The following HCN1 variants were observed in gnomAD, a reference collection of about 807,000 sequenced individuals.
HCN1 encodes the protein hyperpolarization activated cyclic nucleotide gated potassium channel 1.
In HCN1, 13 loss-of-function variants were observed where a neutral mutation model predicts 78.9. The observed-to-expected ratio is 0.16, with a 90% CI of 0.11 to 0.26. The LOEUF is 0.26. Among genes scored for constraint, HCN1 ranks in the 10% least tolerant of loss-of-function variants. The pLI, the probability that HCN1 is intolerant of heterozygous loss-of-function variation, is 1.00. For missense variants in HCN1, 810 were observed against 1,154.3 expected (o/e 0.70, Z 4.32); for synonymous variants, 552 against 455.5 (o/e 1.21, Z -2.70).
chr5:45,303,114 C>T (rs1325853989), intron 6 of HCN1, among the ~76,000 whole-genome samples: 1 of 152,058 alleles, frequency 6.6e-6, no homozygotes, highest in Non-Finnish European at 1.5e-5. Flanking sequence ...TGATCCTATA[C>T]CAATTCTGGG....
Position 45,585,398 on chromosome 5 carries a change from T to C in HCN1, c.849+59787A>G, listed in dbSNP as rs1018751808. Among the ~76,000 whole-genome samples, 2 of 152,236 alleles carry C rather than the reference T, an allele frequency of 1.3e-5. 1 individual carries two copies. Among genetic ancestry groups the C allele is most frequent in the South Asian group, 4.1e-4 (2 of 4,832 alleles). On this transcript the variant is annotated intron_variant, in intron 2 of 7. Coordinates refer to ENST00000303230, the MANE Select transcript of HCN1 (RefSeq NM_021072.4). ...CTCCATCAGGTCCTTTAAGGACTTC[T>C]CTGCATTGATTATTCTAGTTAGCCA...
At chr5:45,452,175 A>C (rs987898295) in intron 3 of HCN1, among the ~76,000 whole-genome samples, 1 of 152,024 alleles carries the variant, frequency 6.6e-6, no homozygotes, top group Non-Finnish European at 1.5e-5. Flanking sequence ...AAATGATAAC[A>C]GTCCACAGCT....
intron 6 of HCN1, among the ~76,000 whole-genome samples, chr5:45,276,104 A>G (rs1745051565): frequency 6.6e-6 from 1 of 152,072 alleles, no homozygotes. Context: ...CGTGGCAGAA[A>G]CAATAGTCTC....
At chr5:45,311,056 T>C (rs1242301683) in intron 5 of HCN1, among the ~76,000 whole-genome samples, 3 of 152,140 alleles carry the variant, frequency 2.0e-5, no homozygotes, top group African/African-American at 7.2e-5. Flanking sequence ...AGCTAATGGA[T>C]ACTAGGTTTA....
chr5:45,531,025 T>C (rs1329666955), intron 2 of HCN1, among the ~76,000 whole-genome samples: 1 of 151,782 alleles, frequency 6.6e-6, no homozygotes, highest in African/African-American at 2.4e-5. Context: ...GTGTAGTTTC[T>C]GGATGTAAAA....
At chr5:45,658,409 G>A (rs1256699531) in intron 1 of HCN1, among the ~76,000 whole-genome samples, 1 of 152,176 alleles carries the variant, frequency 6.6e-6, no homozygotes. Context: ...AAACTAAAGA[G>A]CTTCTGCATA....
intron 4 of HCN1, among the ~76,000 whole-genome samples, chr5:45,373,730 C>T (rs1160580711): frequency 1.7e-5 from 2 of 116,762 alleles, no homozygotes; most frequent in African/African-American, 3.4e-5. Context: ...ACGGTATATA[C>T]GTCATCTATA....
At chr5:45,592,805 C>A (rs887825632) in intron 2 of HCN1, among the ~76,000 whole-genome samples, 1 of 152,020 alleles carries the variant, frequency 6.6e-6, no homozygotes, top group Non-Finnish European at 1.5e-5. Context: ...TAGGTAATGT[C>A]TTTTTTAACA....
chr5:45,474,528 T>C (rs1741473444), intron 2 of HCN1, among the ~76,000 whole-genome samples: 1 of 151,914 alleles, frequency 6.6e-6, no homozygotes, highest in Non-Finnish European at 1.5e-5. Flanking sequence ...GAGATTTCTT[T>C]CTAAAACATA....
chr5:45,353,176 T>C lies in HCN1; in HGVS notation c.1301A>G (p.Tyr434Cys). Reference sequence around the variant, plus strand: ...TTTGCCTTGGTATCTGTGTTCATAGTAATCATGTATCTTCTGACGCATATC... The same window carrying C: ...TTTGCCTTGGTATCTGTGTTCATAGCAATCATGTATCTTCTGACGCATATC... ...PADMRQKIHDYYEHRYQGKIF... is the reference protein window; with the variant it reads ...PADMRQKIHDCYEHRYQGKIF... Residue 434 changes from tyrosine (Y) to cysteine (C), a missense_variant, in exon 5 of 8, where the codon TAC becomes TGC. Tyr to Cys is a radical substitution (Grantham distance 194, BLOSUM62 -2). This residue lies in a region of HCN1 where 100 missense variants were observed against 126.8 expected (regional missense o/e 0.79). Transcript: ENST00000303230. The C allele has an allele frequency of 6.2e-7, 1 of 1,608,792 alleles. No individual in the cohort carries two copies. Among genetic ancestry groups the C allele is most frequent in the Non-Finnish European group, 8.5e-7 (1 of 1,175,642 alleles).
At chr5:45,313,860 G>T (rs967477043) in intron 5 of HCN1, among the ~76,000 whole-genome samples, 1 of 152,146 alleles carries the variant, frequency 6.6e-6, no homozygotes, top group African/African-American at 2.4e-5. Flanking sequence ...AGAAATATGG[G>T]ACTATGTGAA....
chr5:45,373,882 G>A (rs1431200314), intron 4 of HCN1, among the ~76,000 whole-genome samples: 5 of 127,604 alleles, frequency 3.9e-5, no homozygotes, highest in South Asian at 2.4e-4. Flanking sequence ...TATTACATAC[G>A]GTATATATGT....
chr5:45,343,736 A>G (rs1218552166), intron 5 of HCN1, among the ~76,000 whole-genome samples: 2 of 152,164 alleles, frequency 1.3e-5, no homozygotes, highest in East Asian at 3.9e-4. Context: ...GGAACTTAGA[A>G]CTACAGTTTA....
intron 2 of HCN1, chr5:45,575,770 A>C (rs1489817358): frequency 6.6e-6 from 1 of 152,130 alleles, no homozygotes; most frequent in Non-Finnish European, 1.5e-5. Context: ...CACTCACATA[A>C]GAGCTCTGAT....
intron 2 of HCN1, among the ~76,000 whole-genome samples, chr5:45,592,835 A>G (rs1744402424): frequency 6.6e-6 from 1 of 152,174 alleles, no homozygotes; most frequent in African/African-American, 2.4e-5. Context: ...GAACCAAACC[A>G]TTGAAGATTT....
At chr5:45,444,386 G>A (rs957343420) in intron 3 of HCN1, among the ~76,000 whole-genome samples, 3 of 152,022 alleles carry the variant, frequency 2.0e-5, no homozygotes, top group Non-Finnish European at 4.4e-5. Flanking sequence ...ATTGCCTGAG[G>A]AATCAAAATA....
At chr5:45,279,231 A>AT (rs1745116436) in intron 6 of HCN1, among the ~76,000 whole-genome samples, 1 of 152,188 alleles carries the variant, frequency 6.6e-6, no homozygotes, top group Non-Finnish European at 1.5e-5. Flanking sequence ...TTTAAAAAAG[A>AT]AATTCTCTCT....
chr5:45,369,831 A>C (rs1272724917), intron 4 of HCN1, among the ~76,000 whole-genome samples: 2 of 152,098 alleles, frequency 1.3e-5, no homozygotes, highest in African/African-American at 4.8e-5. Flanking sequence ...AAAGAAATGT[A>C]ATTATAGCGC....
chr5:45,398,162 T>G (rs1739720837), intron 3 of HCN1, among the ~76,000 whole-genome samples: 1 of 152,104 alleles, frequency 6.6e-6, no homozygotes, highest in Non-Finnish European at 1.5e-5. Context: ...AATAAATATT[T>G]AACTTATCAT....
Sources: gnomAD v4.1 joint callset for allele counts (sites outside exome capture counted in the v4.1 genomes callset) on GRCh38, gnomAD v4.1.1 for gene constraint, gnomAD v4.1.1 regional missense constraint, MANE v1.5 for transcripts, NCBI Gene and HGNC (gene_info 2026-07-23, HGNC 2026-07-21) for gene names.